PPP1R12B: variants seen among roughly 807,000 people sequenced by gnomAD.
PPP1R12B encodes the protein myosin phosphatase target subunit 2.
A neutral mutation model predicts 126.1 loss-of-function variants in PPP1R12B; 76 were observed. That is an observed-to-expected ratio of 0.60 (90% CI 0.50 to 0.73). The LOEUF is 0.73. PPP1R12B is among the 30% of genes least tolerant of loss of function. The pLI, the probability that PPP1R12B is intolerant of heterozygous loss-of-function variation, is 0.00. For synonymous variants in PPP1R12B, 356 were observed against 434.7 expected (o/e 0.82, Z 2.25); for missense variants, 1,052 against 1,205.1 (o/e 0.87, Z 1.88).
At position 202,430,748 on chromosome 1, in the gene PPP1R12B, G is replaced by A. The variant is rs371941692; in HGVS notation, c.939G>A (p.Glu313=). The A allele has an allele frequency of 6.2e-7, 1 of 1,612,844 alleles. No individual in the cohort carries two copies. Among genetic ancestry groups the A allele is most frequent in the African/African-American group, 1.3e-5 (1 of 74,874 alleles). ...ATTTCCAGCTTCGAAGTGAAAAGGA[G>A]ACACGGAATAAACTCATTGAGTCAG... ...KKQNVLRSEK[E]TRNKLIESDL... The change falls in exon 7 of 24, where the codon GAG becomes GAA. Residue 313 remains glutamate (E), a synonymous_variant. Transcript: ENST00000608999.
At chr1:202,511,507 G>A (rs544976322) in intron 18 of PPP1R12B, among the ~76,000 whole-genome samples, 15 of 152,004 alleles carry the variant, frequency 9.9e-5, no homozygotes, top group Admixed American at 7.9e-4. Context: ...GTGAGCCACC[G>A]TGCCCGGCAT....
At chr1:202,474,491 T>C (rs1274131259) in intron 13 of PPP1R12B, among the ~76,000 whole-genome samples, 1 of 152,174 alleles carries the variant, frequency 6.6e-6, no homozygotes, top group East Asian at 1.9e-4. Flanking sequence ...TTGGCCAGAA[T>C]GATCTCAAAC....
intron 10 of PPP1R12B, chr1:202,438,673 A>G: frequency 1.7e-6 from 1 of 581,154 alleles, no homozygotes; most frequent in Non-Finnish European, 3.2e-6. Flanking sequence ...CGCTTGTCCC[A>G]GGGCCGCCGG....
chr1:202,534,124 C>A (rs1316746564), intron 18 of PPP1R12B, among the ~76,000 whole-genome samples: 1 of 151,900 alleles, frequency 6.6e-6, no homozygotes, highest in Non-Finnish European at 1.5e-5. Context: ...CTCATGGGTT[C>A]CTAGTCAGTG....
At chr1:202,371,037 T>A (rs12139911) in intron 1 of PPP1R12B, among the ~76,000 whole-genome samples, 59,779 of 138,150 alleles carry the variant, frequency 0.43, 14,177 homozygotes, top group East Asian at 0.71. Context: ...ATAGAGTCTC[T>A]CTCTGTCTCA....
chr1:202,478,069 T>G (rs1676899988), intron 13 of PPP1R12B, among the ~76,000 whole-genome samples: 1 of 152,252 alleles, frequency 6.6e-6, no homozygotes, highest in African/African-American at 2.4e-5. Flanking sequence ...TGAAGAATCC[T>G]GTAGCATTCA....
intron 18 of PPP1R12B, among the ~76,000 whole-genome samples, chr1:202,541,291 C>T (rs1368919881): frequency 1.3e-5 from 2 of 151,760 alleles, no homozygotes; most frequent in African/African-American, 4.8e-5. Flanking sequence ...GTATAAATTA[C>T]CATGTAGTGG....
At chr1:202,384,783 G>A (rs1393001692) in intron 1 of PPP1R12B, among the ~76,000 whole-genome samples, 1 of 152,166 alleles carries the variant, frequency 6.6e-6, no homozygotes, top group Admixed American at 6.5e-5. Flanking sequence ...TCTTGTACAT[G>A]GTTTCATGTG....
At chr1:202,559,614 T>A (rs1687314408) in intron 19 of PPP1R12B, among the ~76,000 whole-genome samples, 1 of 152,214 alleles carries the variant, frequency 6.6e-6, no homozygotes, top group Admixed American at 6.5e-5. Flanking sequence ...CTTTTTCTAC[T>A]GTTACTCTGA....
intron 13 of PPP1R12B, among the ~76,000 whole-genome samples, chr1:202,462,299 T>TC (rs1491126113): frequency 6.6e-6 from 1 of 151,528 alleles, no homozygotes; most frequent in Non-Finnish European, 1.5e-5. Context: ...AATAAAAGAG[T>TC]CTATTTTCTT....
chr1:202,388,304 C>T (rs1166653134), intron 1 of PPP1R12B, among the ~76,000 whole-genome samples: 1 of 152,172 alleles, frequency 6.6e-6, no homozygotes, highest in Non-Finnish European at 1.5e-5. Flanking sequence ...CTGCCTCAGC[C>T]TCCTGAGTAG....
At chr1:202,430,842 G>A in intron 7 of PPP1R12B, 32 bp downstream of exon 7, 4 of 1,601,052 alleles carry the variant, frequency 2.5e-6, no homozygotes, top group Non-Finnish European at 3.4e-6. Flanking sequence ...AATGGGATGA[G>A]CTTTGCTCTG....
intron 13 of PPP1R12B, chr1:202,472,146 G>A (rs1044360723): frequency 2.5e-5 from 30 of 1,216,894 alleles, no homozygotes; most frequent in Middle Eastern, 2.6e-4. Context: ...CATCACCGCC[G>A]GAAAACAAAA....
chr1:202,513,550 C>T (rs903374293), intron 18 of PPP1R12B, among the ~76,000 whole-genome samples: 1 of 152,014 alleles, frequency 6.6e-6, no homozygotes, highest in African/African-American at 2.4e-5. Flanking sequence ...AGGGAAGTTC[C>T]AGGGCTAGAG....
At chr1:202,367,127 A>C (rs1659374735) in intron 1 of PPP1R12B, among the ~76,000 whole-genome samples, 1 of 152,234 alleles carries the variant, frequency 6.6e-6, no homozygotes, top group African/African-American at 2.4e-5. Flanking sequence ...AGATCTTTAC[A>C]TTACACTACT....
chr1:202,417,567 G>A (rs1160902830), intron 2 of PPP1R12B, among the ~76,000 whole-genome samples: 2 of 152,204 alleles, frequency 1.3e-5, no homozygotes, highest in African/African-American at 2.4e-5. Context: ...TATCTGTTGT[G>A]TGAAGGAATG....
rs563253937 is a variant in PPP1R12B at position 202,540,269 on chromosome 1, T to C, written c.2491-18608T>C. On this transcript the variant is annotated intron_variant, in intron 18 of 23. Coordinates refer to ENST00000608999, the MANE Select transcript of PPP1R12B (RefSeq NM_002481.4). ...AAGCAGCATTTTTTATTTACGTATGTTCATAGCTGTGTCAAAGGTAGAGAA... is the reference window on the plus strand; with the variant it reads ...AAGCAGCATTTTTTATTTACGTATGCTCATAGCTGTGTCAAAGGTAGAGAA... 2.2e-4 allele frequency: 335 copies of C among 1,514,476 alleles called. 1 individual carries two copies. Among genetic ancestry groups the C allele is most frequent in the Middle Eastern group, 3.4e-4 (2 of 5,854 alleles). 93.8% of individuals were successfully genotyped at this position (1,514,476 alleles called of 1,614,324 possible). A position where few individuals can be genotyped will look rare whatever the true frequency, so the allele number is the denominator to read the frequency against.
chr1:202,481,609 A>G (rs888413296), intron 13 of PPP1R12B, among the ~76,000 whole-genome samples: 4 of 152,156 alleles, frequency 2.6e-5, no homozygotes, highest in Non-Finnish European at 1.5e-5. Flanking sequence ...TTTATTTGAC[A>G]CATTACATAT....
Position 202,591,218 on chromosome 1 carries a change from T to C in PPP1R12B, c.*10658T>C, listed in dbSNP as rs1690101687. ...GGACTTCTGTGTGCAACTTCTGTTGTGGTTTGTGCAGGGCAAGCCTGCCTC... is the reference window on the plus strand; with the variant it reads ...GGACTTCTGTGTGCAACTTCTGTTGCGGTTTGTGCAGGGCAAGCCTGCCTC... On this transcript the variant is annotated 3_prime_UTR_variant, in exon 24 of 24. Coordinates refer to ENST00000608999, the MANE Select transcript of PPP1R12B (RefSeq NM_002481.4). The C allele has an allele frequency of 6.6e-6, 1 of 152,390 alleles. No individual in the cohort carries two copies. Among genetic ancestry groups the C allele is most frequent in the African/African-American group, 2.4e-5 (1 of 41,476 alleles). 9.4% of individuals were successfully genotyped at this position (152,390 alleles called of 1,614,324 possible). A position where few individuals can be genotyped will look rare whatever the true frequency, so the allele number is the denominator to read the frequency against.
Sources: gnomAD v4.1 joint callset for allele counts (sites outside exome capture counted in the v4.1 genomes callset) on GRCh38, gnomAD v4.1.1 for gene constraint, MANE v1.5 for transcripts, NCBI Gene and HGNC (gene_info 2026-07-23, HGNC 2026-07-21) for gene names.